Variants in GRID1 observed in about 807,000 individuals in gnomAD.
GRID1 encodes the protein glutamate ionotropic receptor delta type subunit 1.
GRID1 carries 28 observed loss-of-function variants against 98.0 expected under a neutral mutation model. The observed-to-expected ratio is 0.29, with a 90% CI of 0.21 to 0.39. The LOEUF is 0.39. Among genes scored for constraint, GRID1 ranks in the 10% least tolerant of loss-of-function variants. The pLI is 1.00. For missense variants in GRID1, 1,111 were observed against 1,340.5 expected (o/e 0.83, Z 2.67); for synonymous variants, 553 against 538.5 (o/e 1.03, Z -0.37).
chr10:86,166,573 G>A (rs567307377), intron 3 of GRID1, among the ~76,000 whole-genome samples: 1 of 152,318 alleles, frequency 6.6e-6, no homozygotes, highest in Admixed American at 6.5e-5. Flanking sequence ...GCACAATGAG[G>A]TTCTGAGAGG....
In GRID1 at chr10:85,619,876, A is replaced by C; in HGVS notation, c.2351T>G (p.Phe784Cys). The C allele has an allele frequency of 6.2e-7, 1 of 1,613,580 alleles. No individual in the cohort carries two copies. The highest frequency in any genetic ancestry group is 8.5e-7 in the Non-Finnish European group (1 of 1,179,590). The change falls in exon 14 of 16, where the codon TTC becomes TGC. Residue 784 changes from phenylalanine (F) to cysteine (C), a missense_variant. Phe to Cys is a radical substitution (Grantham distance 205). Around this residue, in one of 3 missense-constraint regions of GRID1, gnomAD observed 762 missense variants for 869.1 expected, o/e 0.88. Transcript: ENST00000327946. ...TGCTGCCCAAGCCTACCTCTGGGAG[A>C]AGAGGTCCCTGTAGGGGCTGCCATG... is the stretch of plus-strand genomic sequence containing the variant. ...LQHGSPYRDL[F>C]SQRILELQDT...
At chr10:86,273,260 G>A (rs1321566755) in intron 2 of GRID1, among the ~76,000 whole-genome samples, 1 of 148,486 alleles carries the variant, frequency 6.7e-6, no homozygotes, top group Non-Finnish European at 1.5e-5. Context: ...TTTTATGGCT[G>A]CATAGTATTC....
At chr10:86,280,391 G>A (rs185669079) in intron 2 of GRID1, among the ~76,000 whole-genome samples, 6 of 152,090 alleles carry the variant, frequency 3.9e-5, no homozygotes, top group East Asian at 3.9e-4. Context: ...ATGATTCCTT[G>A]TTCTTCATTT....
intron 2 of GRID1, among the ~76,000 whole-genome samples, chr10:86,262,083 G>T (rs1051104516): frequency 5.9e-5 from 9 of 152,224 alleles, no homozygotes; most frequent in Non-Finnish European, 1.2e-4. Flanking sequence ...TGGCAGTGGT[G>T]AATCTGGCCC....
At chr10:86,203,874 A>G (rs1257919021) in intron 3 of GRID1, among the ~76,000 whole-genome samples, 1 of 152,118 alleles carries the variant, frequency 6.6e-6, no homozygotes, top group Non-Finnish European at 1.5e-5. Context: ...TCTGCTGCTG[A>G]GCCCACACAC....
chr10:85,940,965 A>T (rs1008520802), intron 4 of GRID1, among the ~76,000 whole-genome samples: 7 of 152,208 alleles, frequency 4.6e-5, no homozygotes, highest in African/African-American at 1.7e-4. Flanking sequence ...ACTGACTACC[A>T]ATATAAGAAC....
rs902410051 is a variant in GRID1 at position 86,364,163 on chromosome 10, G to A, written c.80-67C>T. 6.5e-6 allele frequency: 9 copies of A among 1,377,112 alleles called. No homozygotes were observed. The African/African-American group carries it at 1.3e-4, about 20-fold the overall frequency. The allele number at this position is 1,377,112 out of a possible 1,614,324, so 85.3% of individuals were successfully genotyped here. On this transcript the variant is annotated intron_variant, in intron 1 of 15. Transcript: ENST00000327946. The stretch of plus-strand genomic sequence containing the variant: ...CCTCTCCCCGCTTCCCTTGGCCCGA[G>A]GGTCAAGGCACTCGCAGACCGATGA...
At chr10:85,776,363 T>C (rs1287844693) in intron 8 of GRID1, among the ~76,000 whole-genome samples, 3 of 152,170 alleles carry the variant, frequency 2.0e-5, no homozygotes, top group African/African-American at 4.8e-5. Flanking sequence ...ACAAAGAACG[T>C]AGAGCAGACA....
At chr10:86,280,073 C>T (rs1369801758) in intron 2 of GRID1, among the ~76,000 whole-genome samples, 1 of 152,006 alleles carries the variant, frequency 6.6e-6, no homozygotes, top group Admixed American at 6.5e-5. Flanking sequence ...CATAGTGGTG[C>T]ACATCTTTAC....
chr10:86,060,871 G>C (rs971101924), intron 4 of GRID1, among the ~76,000 whole-genome samples: 1 of 152,130 alleles, frequency 6.6e-6, no homozygotes, highest in Non-Finnish European at 1.5e-5. Flanking sequence ...CTCCCTCCTT[G>C]ACAGATGTCA....
At chr10:86,080,684 G>A (rs1843964865) in intron 4 of GRID1, among the ~76,000 whole-genome samples, 1 of 152,094 alleles carries the variant, frequency 6.6e-6, no homozygotes, top group Non-Finnish European at 1.5e-5. Flanking sequence ...CTGACACAAG[G>A]AGTCAAGTGC....
chr10:85,870,592 T>A (rs1843269050), intron 5 of GRID1, among the ~76,000 whole-genome samples: 1 of 152,246 alleles, frequency 6.6e-6, no homozygotes, highest in Non-Finnish European at 1.5e-5. Flanking sequence ...CTAGCCAAAG[T>A]GCCGCTGGTA....
chr10:85,857,675 C>T (rs1406104214), intron 6 of GRID1, among the ~76,000 whole-genome samples: 1 of 152,172 alleles, frequency 6.6e-6, no homozygotes, highest in Non-Finnish European at 1.5e-5. Context: ...TCTCTGAACG[C>T]CTAAGCAGCA....
At chr10:86,271,839 A>T (rs989557994) in intron 2 of GRID1, among the ~76,000 whole-genome samples, 1 of 152,324 alleles carries the variant, frequency 6.6e-6, no homozygotes, top group African/African-American at 2.4e-5. Flanking sequence ...AGGGGAGGAG[A>T]GTGGGAGGAA....
chr10:85,915,536 CA>C (rs1841605010), intron 5 of GRID1, among the ~76,000 whole-genome samples: 1 of 151,398 alleles, frequency 6.6e-6, no homozygotes, highest in East Asian at 2.0e-4. Context: ...TATACACACA[CA>C]TACACTTGCA....
chr10:86,332,985 C>T (rs1848169909), intron 2 of GRID1, among the ~76,000 whole-genome samples: 1 of 152,202 alleles, frequency 6.6e-6, no homozygotes, highest in South Asian at 2.1e-4. Context: ...CCCAGAAACA[C>T]AAACCCATCA....
chr10:85,889,491 A>G (rs1293852276), intron 5 of GRID1, among the ~76,000 whole-genome samples: 1 of 152,178 alleles, frequency 6.6e-6, no homozygotes, highest in Non-Finnish European at 1.5e-5. Context: ...AGGTTCATAA[A>G]TATTGTCTCA....
chr10:85,878,193 C>T (rs1322808008), intron 5 of GRID1, among the ~76,000 whole-genome samples: 2 of 152,038 alleles, frequency 1.3e-5, no homozygotes, highest in African/African-American at 2.4e-5. Flanking sequence ...TGGAAAACAC[C>T]CTGCAGGGTA....
intron 8 of GRID1, among the ~76,000 whole-genome samples, chr10:85,756,105 G>C (rs1448288086): frequency 6.6e-6 from 1 of 152,084 alleles, no homozygotes; most frequent in Non-Finnish European, 1.5e-5. Context: ...ACCACAAATA[G>C]TACCGAACCC....
Sources: allele counts gnomAD v4.1 joint callset (sites outside exome capture counted in the v4.1 genomes callset), GRCh38; gene constraint gnomAD v4.1.1; regional missense constraint gnomAD v4.1.1; transcripts MANE v1.5; gene names NCBI Gene and HGNC (gene_info 2026-07-23, HGNC 2026-07-21).